HIVEP1: variants seen among roughly 807,000 people sequenced by gnomAD.
HIVEP1 encodes zinc finger protein 40.
HIVEP1 carries 36 observed loss-of-function variants against 180.0 expected under a neutral mutation model. The ratio of observed to expected loss-of-function variants is 0.20; its 90% CI spans 0.15 to 0.26. The LOEUF is 0.26. HIVEP1 is among the 10% of genes least tolerant of loss of function. The pLI is 1.00. For missense variants in HIVEP1, 3,143 were observed against 3,268.7 expected, an observed-to-expected ratio of 0.96 and a Z score of 0.94; for synonymous variants, 1,239 against 1,239.0, an observed-to-expected ratio of 1.00 and a Z score of 0.00.
chr6:12,174,534 G>A, the HIVEP1 span, among the ~76,000 whole-genome samples: 2 of 152,126 alleles, frequency 1.3e-5, no homozygotes, highest in Non-Finnish European at 2.9e-5. Context: ...AACTGACACA[G>A]GGACCCCAGG....
At chr6:12,030,377 T>G (rs1768862846) in intron 2 of HIVEP1, among the ~76,000 whole-genome samples, 1 of 152,138 alleles carries the variant, frequency 6.6e-6, no homozygotes, top group South Asian at 2.1e-4. Flanking sequence ...TTCATATATT[T>G]TTTCTGTACC....
rs767921452 is a variant in HIVEP1, at chr6:12,124,241, G to T, written c.4446G>T (p.Leu1482Phe). 3.1e-6 allele frequency: 5 copies of T among 1,614,048 alleles called. No homozygotes were observed. The South Asian group carries it at 5.5e-5, about 18-fold the overall frequency. The change falls in exon 4 of 9, where the codon TTG becomes TTT. Residue 1482 changes from leucine (L) to phenylalanine (F), a missense_variant. By Grantham distance (22) the Leu-to-Phe change is conservative (BLOSUM62 0). Transcript: ENST00000379388. Reference protein sequence around the residue: ...TSLAEFSANTLHSQTQVKDLQ... With the variant: ...TSLAEFSANTFHSQTQVKDLQ... ...TAGCTGAGTTTTCTGCAAATACTTTGCACTCTCAGACTCAGGTTAAGGATC... is the reference window on the plus strand; with the variant it reads ...TAGCTGAGTTTTCTGCAAATACTTTTCACTCTCAGACTCAGGTTAAGGATC...
chr6:12,021,413 T>C (rs9470752), intron 2 of HIVEP1, among the ~76,000 whole-genome samples: 22,952 of 152,210 alleles, frequency 0.15, 1,802 homozygotes, highest in African/African-American at 0.2. Flanking sequence ...TTTCTTACTC[T>C]GTATGGGAGA....
At chr6:12,176,654 C>T in the HIVEP1 span, among the ~76,000 whole-genome samples, 4 of 152,280 alleles carry the variant, frequency 2.6e-5, no homozygotes, top group East Asian at 7.7e-4. Flanking sequence ...TGAATACTCT[C>T]CATCCTTTAA....
chr6:12,008,701 C>A (rs1355122365), upstream of HIVEP1: 2 of 152,128 alleles, frequency 1.3e-5, no homozygotes, highest in Non-Finnish European at 1.5e-5. Context: ...ATCAAAGCCC[C>A]GGGCAGGGGC....
At chr6:12,175,550 T>C in the HIVEP1 span, among the ~76,000 whole-genome samples, 1 of 152,252 alleles carries the variant, frequency 6.6e-6, no homozygotes, top group Non-Finnish European at 1.5e-5. Flanking sequence ...ATGAAGCACG[T>C]ATCACATGCA....
the HIVEP1 span, among the ~76,000 whole-genome samples, chr6:12,183,518 GAGA>G: frequency 2.0e-5 from 3 of 152,186 alleles, no homozygotes; most frequent in Admixed American, 6.5e-5. Context: ...TTTTTTAGAT[GAGA>G]AGTTTAACTG....
intron 3 of HIVEP1, among the ~76,000 whole-genome samples, chr6:12,101,167 A>G (rs1051339865): frequency 6.6e-6 from 1 of 152,358 alleles, no homozygotes; most frequent in Non-Finnish European, 1.5e-5. Flanking sequence ...CAGCTATATC[A>G]TAGCCAAAGA....
chr6:12,067,715 C>T (rs1364014760), intron 2 of HIVEP1, among the ~76,000 whole-genome samples: 16 of 151,968 alleles, frequency 1.1e-4, no homozygotes, highest in Admixed American at 1.0e-3. Flanking sequence ...GCCTGTCCTC[C>T]CCAGACCATG....
chr6:12,108,434 CA>C (rs1362073220), intron 3 of HIVEP1, among the ~76,000 whole-genome samples: 1 of 152,228 alleles, frequency 6.6e-6, no homozygotes, highest in Non-Finnish European at 1.5e-5. Context: ...CGCCATGGAG[CA>C]GGGGGCGGCG....
At chr6:12,092,940 C>A (rs544589574) in intron 3 of HIVEP1, among the ~76,000 whole-genome samples, 1 of 152,304 alleles carries the variant, frequency 6.6e-6, no homozygotes, top group African/African-American at 2.4e-5. Context: ...TGATTGGCTG[C>A]AACTAGCCAC....
intron 8 of HIVEP1, 44 bp downstream of exon 8, chr6:12,161,973 A>T: frequency 6.5e-7 from 1 of 1,533,758 alleles, no homozygotes; most frequent in East Asian, 2.3e-5. Context: ...TTTCGTTTTA[A>T]CCTATTAAAT....
rs1469730987 is a variant in HIVEP1, at chr6:12,124,213, C to T, written c.4418C>T (p.Ser1473Phe). 16 of 1,613,982 alleles carry T rather than the reference C, an allele frequency of 9.9e-6. No homozygotes were observed. The highest frequency in any genetic ancestry group is 1.7e-5 in the Admixed American group (1 of 60,028). Reference protein sequence around the residue: ...PYQGPQLTSTSLAEFSANTLH... With the variant: ...PYQGPQLTSTFLAEFSANTLH... ...CAGGGGCCTCAGCTCACTAGTACAT[C>T]TTTAGCTGAGTTTTCTGCAAATACT... is the stretch of plus-strand genomic sequence containing the variant. Residue 1473 changes from serine to phenylalanine, a missense_variant, in exon 4 of 9, where the codon TCT becomes TTT. Ser to Phe is a radical substitution (Grantham distance 155, BLOSUM62 -2). This residue lies in a region of HIVEP1 where 1,357 missense variants were observed against 1,260.5 expected (regional missense o/e 1.08). Transcript: ENST00000379388.
chr6:12,054,070 G>T (rs761842621), intron 2 of HIVEP1, among the ~76,000 whole-genome samples: 1 of 152,096 alleles, frequency 6.6e-6, no homozygotes, highest in Admixed American at 6.5e-5. Context: ...TTTCAGGCTC[G>T]CATTGCCCAT....
the HIVEP1 span, among the ~76,000 whole-genome samples, chr6:12,195,715 T>G: frequency 6.6e-6 from 1 of 152,222 alleles, no homozygotes; most frequent in African/African-American, 2.4e-5. Flanking sequence ...TGAACCAACC[T>G]GTGTACGATA....
At chr6:12,084,989 C>T (rs9470914) in intron 2 of HIVEP1, among the ~76,000 whole-genome samples, 4,713 of 152,194 alleles carry the variant, frequency 0.031, 235 homozygotes, top group African/African-American at 0.1. Flanking sequence ...TGATAAAATG[C>T]TAGATTCTTA....
intron 3 of HIVEP1, among the ~76,000 whole-genome samples, chr6:12,101,083 T>C (rs1200233239): frequency 6.6e-6 from 1 of 152,202 alleles, no homozygotes; most frequent in East Asian, 1.9e-4. Context: ...GAGCAAGTTA[T>C]AAAAATAGAA....
At chr6:12,066,818 A>G (rs1235786328) in intron 2 of HIVEP1, among the ~76,000 whole-genome samples, 1 of 152,108 alleles carries the variant, frequency 6.6e-6, no homozygotes, top group Non-Finnish European at 1.5e-5. Flanking sequence ...ACTAGAAGGC[A>G]TTATGTTTAT....
the HIVEP1 span, among the ~76,000 whole-genome samples, chr6:12,200,766 A>G: frequency 6.6e-6 from 1 of 152,242 alleles, no homozygotes; most frequent in Non-Finnish European, 1.5e-5. Context: ...TGCCTGGAAT[A>G]TATTTGAAAT....
Sources: allele counts gnomAD v4.1 joint callset (sites outside exome capture counted in the v4.1 genomes callset), GRCh38; gene constraint gnomAD v4.1.1; regional missense constraint gnomAD v4.1.1; transcripts MANE v1.5; gene names NCBI Gene and HGNC (gene_info 2026-07-23, HGNC 2026-07-21).